DPP10: variants seen among roughly 807,000 people sequenced by gnomAD.
DPP10 encodes dipeptidyl peptidase like 10.
In DPP10, 33 loss-of-function variants were observed where a neutral mutation model predicts 120.9. That is an observed-to-expected ratio of 0.27 (90% CI 0.21 to 0.37). The LOEUF (loss-of-function observed/expected upper bound fraction) is 0.37. DPP10 is among the 10% of genes least tolerant of loss of function. The probability of loss-of-function intolerance (pLI) is 1.00; values close to 1 mark genes in which losing one functional copy is unlikely to be tolerated. For missense variants in DPP10, 816 were observed against 942.8 expected, an observed-to-expected ratio of 0.87 and a Z score of 1.76; for synonymous variants, 337 against 326.1, an observed-to-expected ratio of 1.03 and a Z score of -0.36.
At chr2:115,692,140 GT>G (rs749859795) in intron 7 of DPP10, among the ~76,000 whole-genome samples, 21 of 151,726 alleles carry the variant, frequency 1.4e-4, no homozygotes, top group Non-Finnish European at 2.8e-4. Flanking sequence ...GTATGGTGGG[GT>G]TTTTTGTTTT....
intron 5 of DPP10, among the ~76,000 whole-genome samples, chr2:115,591,314 A>G (rs2082647041): frequency 6.6e-6 from 1 of 152,190 alleles, no homozygotes; most frequent in Non-Finnish European, 1.5e-5. Context: ...TGTTTAATCC[A>G]TCTTGAATTA....
At chr2:114,641,351 T>A (rs1573862607) in intron 1 of DPP10, among the ~76,000 whole-genome samples, 1 of 151,916 alleles carries the variant, frequency 6.6e-6, no homozygotes. Context: ...TGGCTAGCAG[T>A]GTCCTTCCCA....
At chr2:115,182,192 T>C (rs376776566) in intron 1 of DPP10, among the ~76,000 whole-genome samples, 4 of 152,224 alleles carry the variant, frequency 2.6e-5, no homozygotes, top group Non-Finnish European at 5.9e-5. Flanking sequence ...AGGGAAATTA[T>C]GACCATCTAG....
chr2:115,555,534 C>T (rs1193347383), intron 5 of DPP10, among the ~76,000 whole-genome samples: 2 of 151,956 alleles, frequency 1.3e-5, no homozygotes, highest in Non-Finnish European at 2.9e-5. Flanking sequence ...TTTCCCGTAA[C>T]GAGGGTTTTT....
At chr2:115,685,195 A>G (rs1280409639) in intron 5 of DPP10, among the ~76,000 whole-genome samples, 2 of 151,986 alleles carry the variant, frequency 1.3e-5, no homozygotes, top group African/African-American at 4.8e-5. Context: ...TATGTAAAGC[A>G]CTATGCAGAA....
intron 1 of DPP10, among the ~76,000 whole-genome samples, chr2:114,642,197 A>G (rs1457285259): frequency 6.6e-6 from 1 of 151,836 alleles, no homozygotes; most frequent in African/African-American, 2.4e-5. Flanking sequence ...AGTTCTCTTC[A>G]ACCTCCTGAG....
At chr2:115,300,854 T>A (rs2105974458) in intron 1 of DPP10, among the ~76,000 whole-genome samples, 1 of 152,154 alleles carries the variant, frequency 6.6e-6, no homozygotes, top group African/African-American at 2.4e-5. Context: ...TTCCAGAGAT[T>A]TATTTTGATC....
At chr2:115,172,937 A>G (rs989593439) in intron 1 of DPP10, among the ~76,000 whole-genome samples, 1 of 152,230 alleles carries the variant, frequency 6.6e-6, no homozygotes, top group Non-Finnish European at 1.5e-5. Flanking sequence ...TGCAGATTAT[A>G]TAGAGTCCTC....
chr2:114,859,065 G>A lies in DPP10; in HGVS notation c.60+416227G>A, dbSNP rs564830477. ...TTATTGGCCAGACGCGGTGGCTCAC[G>A]CCTGTAATCTCAGCACTTTGGGAGA... On this transcript the variant is annotated intron_variant, in intron 1 of 25. Coordinates refer to ENST00000410059, the MANE Select transcript of DPP10 (RefSeq NM_020868.6). Among the ~76,000 whole-genome samples, 5 of 152,054 alleles carry A rather than the reference G, an allele frequency of 3.3e-5. No homozygotes were observed. The South Asian group carries it at 6.2e-4, about 19-fold the overall frequency.
chr2:115,776,050 G>A (rs1682058026), intron 13 of DPP10, among the ~76,000 whole-genome samples: 1 of 152,080 alleles, frequency 6.6e-6, no homozygotes. Context: ...ATTGATAATG[G>A]AGCAGTAGTA....
At chr2:115,726,753 T>C (rs1317533284) in intron 7 of DPP10, among the ~76,000 whole-genome samples, 1 of 152,164 alleles carries the variant, frequency 6.6e-6, no homozygotes, top group East Asian at 1.9e-4. Flanking sequence ...TTCAAATTGC[T>C]CTTGTCACTG....
chr2:115,129,609 T>A (rs2050239833), intron 1 of DPP10, among the ~76,000 whole-genome samples: 1 of 152,170 alleles, frequency 6.6e-6, no homozygotes. Context: ...CTTGATATTC[T>A]TGCCATGCCA....
rs1574044732 is a variant in DPP10 at position 115,216,827 on chromosome 2, A to G, written c.61-92412A>G. Among the ~76,000 whole-genome samples, 3 of 152,162 alleles carry G rather than the reference A, an allele frequency of 2.0e-5. 1 individual carries two copies. Among genetic ancestry groups the G allele is most frequent in the Non-Finnish European group, 4.4e-5 (3 of 67,990 alleles). On this transcript the variant is annotated intron_variant, in intron 1 of 25. Transcript: ENST00000410059. ...AAAGCTAAGCTATATATATGTATAT[A>G]TACACACCCATATATAGACAAATAT... is the stretch of plus-strand genomic sequence containing the variant.
At chr2:114,501,300 C>A (rs1052932445) in intron 1 of DPP10, among the ~76,000 whole-genome samples, 1 of 152,120 alleles carries the variant, frequency 6.6e-6, no homozygotes, top group African/African-American at 2.4e-5. Flanking sequence ...TGTGAAACAC[C>A]TGTCCAAGTA....
At chr2:115,832,135 T>C (rs1125501) in intron 21 of DPP10, among the ~76,000 whole-genome samples, 56,899 of 152,116 alleles carry the variant, frequency 0.37, 10,971 homozygotes, top group Middle Eastern at 0.53. Context: ...TTTTGTGATA[T>C]ACTATTGCAT....
chr2:115,789,668 G>T (rs1683726964), intron 17 of DPP10, among the ~76,000 whole-genome samples: 1 of 152,130 alleles, frequency 6.6e-6, no homozygotes, highest in Admixed American at 6.6e-5. Context: ...GTGTTTATCT[G>T]CAGAAGACAT....
At chr2:114,770,483 AAG>A (rs1247877615) in intron 1 of DPP10, among the ~76,000 whole-genome samples, 4 of 152,208 alleles carry the variant, frequency 2.6e-5, no homozygotes, top group Non-Finnish European at 5.9e-5. Flanking sequence ...CAATGGTGGT[AAG>A]AGAGTGAATG....
intron 1 of DPP10, among the ~76,000 whole-genome samples, chr2:114,597,618 C>T (rs1573754509): frequency 6.6e-6 from 1 of 151,928 alleles, no homozygotes; most frequent in Admixed American, 6.6e-5. Context: ...GTTTCAGTCA[C>T]TTAGGTGATG....
At chr2:114,448,694 A>G (rs1344901173) in intron 1 of DPP10, among the ~76,000 whole-genome samples, 3 of 152,198 alleles carry the variant, frequency 2.0e-5, no homozygotes. Flanking sequence ...TCAGCCTGTA[A>G]GAATTGTCTG....
Sources: gnomAD v4.1 joint callset for allele counts (sites outside exome capture counted in the v4.1 genomes callset) on GRCh38, gnomAD v4.1.1 for gene constraint, MANE v1.5 for transcripts, NCBI Gene and HGNC (gene_info 2026-07-23, HGNC 2026-07-21) for gene names.